Variants in HECW1 observed in about 807,000 individuals in gnomAD.
HECW1 encodes the protein E3 ubiquitin-protein ligase HECW1.
A neutral mutation model predicts 182.3 loss-of-function variants in HECW1; 61 were observed. The ratio of observed to expected loss-of-function variants is 0.33; its 90% confidence interval spans 0.27 to 0.41. HECW1 has a LOEUF of 0.41. Ranked by LOEUF, HECW1 falls within the 10% of genes least tolerant of loss-of-function variation. The probability of loss-of-function intolerance (pLI) is 1.00; values close to 1 mark genes in which losing one functional copy is unlikely to be tolerated. For synonymous variants in HECW1, 859 were observed against 832.6 expected (o/e 1.03, Z -0.55); for missense variants, 1,739 against 2,108.9 (o/e 0.82, Z 3.44).
At chr7:43,465,715 G>A (rs549155489) in intron 14 of HECW1, among the ~76,000 whole-genome samples, 1 of 152,184 alleles carries the variant, frequency 6.6e-6, no homozygotes, top group Middle Eastern at 3.4e-3. Context: ...GCTGTGGTTA[G>A]CAACTTGTGA....
intron 2 of HECW1, among the ~76,000 whole-genome samples, chr7:43,170,072 G>T (rs1791526625): frequency 1.3e-5 from 2 of 152,168 alleles, no homozygotes. Context: ...TGGGAACTGG[G>T]CCTCACAGCA....
chr7:43,147,443 T>G (rs968847696), intron 2 of HECW1: 1 of 152,218 alleles, frequency 6.6e-6, no homozygotes, highest in African/African-American at 2.4e-5. Flanking sequence ...CTTTTGTTAT[T>G]GCAGAACAGA....
At chr7:43,309,924 G>T (rs902019056) in intron 3 of HECW1, among the ~76,000 whole-genome samples, 1 of 152,114 alleles carries the variant, frequency 6.6e-6, no homozygotes, top group Non-Finnish European at 1.5e-5. Context: ...TATTGAGCAG[G>T]TACTGTACTA....
chr7:43,255,105 T>C (rs929500601), intron 3 of HECW1, among the ~76,000 whole-genome samples: 1 of 152,206 alleles, frequency 6.6e-6, no homozygotes, highest in Non-Finnish European at 1.5e-5. Context: ...AACTCTATGT[T>C]ATTTAAGAAT....
intron 3 of HECW1, among the ~76,000 whole-genome samples, chr7:43,298,551 C>T (rs1806323850): frequency 6.6e-6 from 1 of 152,208 alleles, no homozygotes. Flanking sequence ...TAACCGATGG[C>T]AATGAGACCT....
chr7:43,261,756 C>G (rs1357346856), intron 3 of HECW1, among the ~76,000 whole-genome samples: 2 of 152,204 alleles, frequency 1.3e-5, no homozygotes, highest in Non-Finnish European at 2.9e-5. Flanking sequence ...TTGGCCATAT[C>G]AATCATATCT....
chr7:43,558,407 CA>C (rs2082100128), intron 29 of HECW1, among the ~76,000 whole-genome samples: 1 of 152,146 alleles, frequency 6.6e-6, no homozygotes, highest in Admixed American at 6.5e-5. Flanking sequence ...AGCCCAGACC[CA>C]GGGTGGAGTT....
intron 6 of HECW1, among the ~76,000 whole-genome samples, chr7:43,386,754 GA>G (rs1411787478): frequency 6.6e-6 from 1 of 152,168 alleles, no homozygotes; most frequent in Non-Finnish European, 1.5e-5. Flanking sequence ...TCAGATGAGG[GA>G]GGAATGTGTC....
chr7:43,480,508 A>G (rs1436372158), intron 17 of HECW1, among the ~76,000 whole-genome samples: 2 of 152,088 alleles, frequency 1.3e-5, no homozygotes, highest in African/African-American at 4.8e-5. Context: ...TCTGAGAACT[A>G]CTTCCCATAA....
intron 17 of HECW1, among the ~76,000 whole-genome samples, chr7:43,488,475 A>AGAAAGAAAG (rs2078792624): frequency 6.8e-6 from 1 of 147,966 alleles, no homozygotes; most frequent in Non-Finnish European, 1.5e-5. Flanking sequence ...AAAGAAAGAA[A>AGAAAGAAAG]GAAAGAAAGA....
intron 5 of HECW1, among the ~76,000 whole-genome samples, chr7:43,348,748 A>G (rs1488852745): frequency 6.6e-6 from 1 of 152,156 alleles, no homozygotes; most frequent in Non-Finnish European, 1.5e-5. Flanking sequence ...TTTAATTTCC[A>G]TCTTGATTTC....
chr7:43,240,333 G>A (rs1005121240), intron 2 of HECW1, among the ~76,000 whole-genome samples: 7 of 152,140 alleles, frequency 4.6e-5, no homozygotes, highest in East Asian at 1.9e-4. Context: ...GCAAGACTCC[G>A]TCTCAAATAA....
At chr7:43,435,973 G>C (rs2152870131) in intron 8 of HECW1, among the ~76,000 whole-genome samples, 1 of 152,242 alleles carries the variant, frequency 6.6e-6, no homozygotes, top group African/African-American at 2.4e-5. Flanking sequence ...GACCATCCTG[G>C]CTAACACAGT....
intron 15 of HECW1, among the ~76,000 whole-genome samples, chr7:43,468,328 C>T (rs1237406677): frequency 6.6e-6 from 1 of 152,004 alleles, no homozygotes; most frequent in East Asian, 1.9e-4. Context: ...AGAGAAGGGA[C>T]CATGGAGGAG....
chr7:43,299,084 A>G (rs1806402717), intron 3 of HECW1, among the ~76,000 whole-genome samples: 1 of 152,204 alleles, frequency 6.6e-6, no homozygotes, highest in Non-Finnish European at 1.5e-5. Flanking sequence ...CCTTGAATCT[A>G]TTACCGTATC....
intron 3 of HECW1, among the ~76,000 whole-genome samples, chr7:43,286,463 C>A (rs1028503914): frequency 5.9e-5 from 9 of 152,126 alleles, no homozygotes; most frequent in Admixed American, 5.2e-4. Flanking sequence ...TCCAGTTGAC[C>A]ATTGCTCAGT....
intron 2 of HECW1, among the ~76,000 whole-genome samples, chr7:43,200,953 T>C (rs1307166965): frequency 2.0e-5 from 3 of 152,228 alleles, no homozygotes; most frequent in Non-Finnish European, 4.4e-5. Flanking sequence ...ATTAACCCTT[T>C]CTTCATTTTC....
chr7:43,463,733 GC>G lies in HECW1; in HGVS notation c.2729del (p.Pro910GlnfsTer21). ...EDSGSQSCEQ[A>X]PAGGGGGGGS... is the part of the protein sequence containing the mutation. ...TTCTGGCAGCCAAAGCTGCGAGCAA[GC>G]CCCAGCAGGAGGAGGCGGAGGTGGA... On this transcript the variant is annotated frameshift_variant, in exon 14 of 30. Transcript: ENST00000395891. LOFTEE classifies it high-confidence loss of function. 1 of 1,614,066 alleles carries G rather than the reference GC, an allele frequency of 6.2e-7. No individual in the cohort carries two copies. The highest frequency in any genetic ancestry group is 8.5e-7 in the Non-Finnish European group (1 of 1,179,990).
Position 43,509,021 on chromosome 7 carries a change from C to T in HECW1, c.3919C>T (p.Leu1307Phe), listed in dbSNP as rs2079729920. Residue 1307 changes from leucine (L) to phenylalanine (F), a missense_variant, in exon 24 of 30, where the codon CTC (leucine) becomes TTC (phenylalanine). By Grantham distance (22) the Leu-to-Phe change is conservative. Coordinates refer to ENST00000395891, the MANE Select transcript of HECW1 (RefSeq NM_015052.5). ...REFFFLLSQE[L>F]FNPYYGLFEY... ...GTTCTTCTTCCTTCTGTCTCAGGAG[C>T]TCTTCAACCCTTACTATGGACTCTT... 1 of 1,614,104 alleles carries T rather than the reference C, an allele frequency of 6.2e-7. No individual in the cohort carries two copies. The highest frequency in any genetic ancestry group is 8.5e-7 in the Non-Finnish European group (1 of 1,179,968).
Sources: allele counts gnomAD v4.1 joint callset (sites outside exome capture counted in the v4.1 genomes callset), GRCh38; gene constraint gnomAD v4.1.1; transcripts MANE v1.5; gene names NCBI Gene and HGNC (gene_info 2026-07-23, HGNC 2026-07-21).